The following CAMK4 variants were observed in gnomAD, a reference collection of about 807,000 sequenced individuals.
The protein encoded by CAMK4 is calcium/calmodulin dependent protein kinase IV, also known as calcium/calmodulin-dependent protein kinase type IV.
A neutral mutation model predicts 44.9 loss-of-function variants in CAMK4; 22 were observed. That is an observed-to-expected ratio of 0.49 (90% CI 0.35 to 0.70). CAMK4 has a LOEUF of 0.70. Among genes scored for constraint, CAMK4 ranks in the 30% least tolerant of loss-of-function variants. The probability of loss-of-function intolerance (pLI) is 0.01; values close to 1 mark genes in which losing one functional copy is unlikely to be tolerated. For missense variants in CAMK4, 498 were observed against 586.8 expected, an observed-to-expected ratio of 0.85 and a Z score of 1.56; for synonymous variants, 218 against 215.4, an observed-to-expected ratio of 1.01 and a Z score of -0.11.
intron 1 of CAMK4, among the ~76,000 whole-genome samples, chr5:111,298,065 C>G (rs1747565557): frequency 6.6e-6 from 1 of 152,096 alleles, no homozygotes; most frequent in Non-Finnish European, 1.5e-5. Flanking sequence ...CACCATAGCA[C>G]CTAATGTAGG....
chr5:111,308,748 C>T (rs1450082325), intron 1 of CAMK4, among the ~76,000 whole-genome samples: 1 of 152,022 alleles, frequency 6.6e-6, no homozygotes, highest in African/African-American at 2.4e-5. Flanking sequence ...GGAGCTTTAG[C>T]CCTAAATACT....
chr5:111,313,061 T>G (rs1056940322), intron 1 of CAMK4, among the ~76,000 whole-genome samples: 6 of 152,102 alleles, frequency 3.9e-5, no homozygotes, highest in African/African-American at 7.2e-5. Flanking sequence ...CTCAACAGTT[T>G]ATGATTTTTA....
At chr5:111,439,860 C>T (rs1303634569) in intron 5 of CAMK4, among the ~76,000 whole-genome samples, 2 of 152,062 alleles carry the variant, frequency 1.3e-5, no homozygotes, top group Non-Finnish European at 2.9e-5. Context: ...GGAACACTGG[C>T]CTATGAGAGT....
intron 1 of CAMK4, among the ~76,000 whole-genome samples, chr5:111,319,496 A>T (rs1384529122): frequency 1.3e-5 from 2 of 152,116 alleles, no homozygotes; most frequent in African/African-American, 4.8e-5. Context: ...AATCTGTAAA[A>T]CATTTCTTGA....
chr5:111,464,950 C>T (rs1754769994), intron 7 of CAMK4, among the ~76,000 whole-genome samples: 1 of 152,130 alleles, frequency 6.6e-6, no homozygotes, highest in South Asian at 2.1e-4. Flanking sequence ...AGTGATGAGT[C>T]AATCGGCTTT....
chr5:111,302,061 T>C (rs1747742927), intron 1 of CAMK4: 1 of 152,234 alleles, frequency 6.6e-6, no homozygotes, highest in Non-Finnish European at 1.5e-5. Flanking sequence ...CTGGATTCTT[T>C]AAGCCTTTCA....
intron 6 of CAMK4, 58 bp downstream of exon 6, chr5:111,446,834 TG>T: frequency 9.8e-7 from 1 of 1,022,394 alleles, no homozygotes. Context: ...AAAATTTTAC[TG>T]TGTGGAATTT....
Position 111,434,026 on chromosome 5 carries a change from G to A in CAMK4, c.460-12660G>A, listed in dbSNP as rs1376489145. ...AATGTAATAGTGCTGGCCTTGCGCG[G>A]TGGCTCATGCCTGTAATTCCAGCAC... On this transcript the variant is annotated intron_variant, in intron 5 of 10. Coordinates refer to ENST00000282356, the MANE Select transcript of CAMK4 (RefSeq NM_001744.6). 2.0e-5 allele frequency among the ~76,000 whole-genome samples: 3 copies of A among 152,168 alleles called. No individual in the cohort carries two copies. The South Asian group carries it at 6.2e-4, about 32-fold the overall frequency.
At position 111,290,147 on chromosome 5, in the gene CAMK4, C is replaced by G. The variant is rs1751388935; in HGVS notation, c.162-53877C>G. 6.6e-6 allele frequency among the ~76,000 whole-genome samples: 1 copy of G among 152,198 alleles called. No homozygotes were observed. On this transcript the variant is annotated intron_variant, in intron 1 of 10. Transcript: ENST00000282356. This position sits in a 1 kb window ranked among gnomAD's most constrained non-coding sequence, Gnocchi z 4.5. Reference sequence around the variant, plus strand: ...TCGTATATATGCCATTGGTTCAACACATAAACCCTGTTTTGGAGTATAGAC... The same window carrying G: ...TCGTATATATGCCATTGGTTCAACAGATAAACCCTGTTTTGGAGTATAGAC...
chr5:111,247,785 C>A (rs1041832760), intron 1 of CAMK4, among the ~76,000 whole-genome samples: 3 of 152,108 alleles, frequency 2.0e-5, no homozygotes, highest in African/African-American at 7.2e-5. Context: ...TATAAAATAA[C>A]TTCATAGCAA....
chr5:111,326,126 T>C (rs571416845), intron 1 of CAMK4, among the ~76,000 whole-genome samples: 16 of 152,014 alleles, frequency 1.1e-4, no homozygotes, highest in African/African-American at 3.6e-4. Context: ...TAGAAGTCAA[T>C]AAAATTGACA....
intron 5 of CAMK4, among the ~76,000 whole-genome samples, chr5:111,442,692 TCTA>T (rs1335252281): frequency 1.3e-5 from 2 of 149,370 alleles, no homozygotes; most frequent in Non-Finnish European, 3.0e-5. Context: ...AGACTAGCAC[TCTA>T]CTAATTTTTT....
intron 1 of CAMK4, among the ~76,000 whole-genome samples, chr5:111,252,293 A>G (rs1477422080): frequency 6.6e-6 from 1 of 152,206 alleles, no homozygotes; most frequent in Non-Finnish European, 1.5e-5. Context: ...ATCCGTGCCT[A>G]GAGATACAGG....
chr5:111,233,783 G>C (rs1235204367), intron 1 of CAMK4, among the ~76,000 whole-genome samples: 1 of 152,146 alleles, frequency 6.6e-6, no homozygotes, highest in Non-Finnish European at 1.5e-5. Context: ...TCATTTAAAT[G>C]AGGAACCTGT....
At chr5:111,429,795 AAAAAAAAAAAAAAGCCGTAAT>A (rs1197698434) in intron 5 of CAMK4, among the ~76,000 whole-genome samples, 4 of 147,124 alleles carry the variant, frequency 2.7e-5, no homozygotes, top group African/African-American at 5.0e-5. Context: ...AAAAAAAAAA[AAAAAAAAAAAAAAGCCGTAAT>A]AAAAAACCTC....
At chr5:111,442,265 A>G (rs974302719) in intron 5 of CAMK4, among the ~76,000 whole-genome samples, 1 of 152,156 alleles carries the variant, frequency 6.6e-6, no homozygotes, top group Non-Finnish European at 1.5e-5. Flanking sequence ...AGGCCGAGGC[A>G]GGTGGATCAC....
intron 5 of CAMK4, among the ~76,000 whole-genome samples, chr5:111,407,149 C>T (rs781263196): frequency 4.6e-5 from 7 of 151,926 alleles, no homozygotes; most frequent in Admixed American, 2.6e-4. Context: ...GTCAGGAGTT[C>T]GAAACCAGCC....
chr5:111,283,317 T>C (rs1751099686), intron 1 of CAMK4, among the ~76,000 whole-genome samples: 1 of 152,190 alleles, frequency 6.6e-6, no homozygotes, highest in South Asian at 2.1e-4. Flanking sequence ...TTATACTCTG[T>C]GCATATAGAA....
chr5:111,264,889 G>A (rs1037834983), intron 1 of CAMK4, among the ~76,000 whole-genome samples: 2 of 151,980 alleles, frequency 1.3e-5, no homozygotes, highest in African/African-American at 4.8e-5. Flanking sequence ...TGATTGACAT[G>A]GTGTCAGATC....
Sources: gnomAD v4.1 joint callset for allele counts (sites outside exome capture counted in the v4.1 genomes callset) on GRCh38, gnomAD v4.1.1 for gene constraint, Gnocchi (gnomAD v3.1) non-coding constraint, MANE v1.5 for transcripts, NCBI Gene and HGNC (gene_info 2026-07-23, HGNC 2026-07-21) for gene names.